The following KHDRBS2 variants were observed in gnomAD, a reference collection of about 807,000 sequenced individuals.
The protein encoded by KHDRBS2 is KH domain-containing, RNA-binding, signal transduction-associated protein 2.
A neutral mutation model predicts 44.3 loss-of-function variants in KHDRBS2; 26 were observed. The ratio of observed to expected loss-of-function variants is 0.59; its 90% CI spans 0.43 to 0.81. The LOEUF is 0.81. Among genes scored for constraint, KHDRBS2 ranks in the 40% least tolerant of loss-of-function variants. The pLI is 0.00. For synonymous variants in KHDRBS2, 194 were observed against 151.1 expected (o/e 1.28, Z -2.08); for missense variants, 476 against 433.1 (o/e 1.10, Z -0.88).
At chr6:62,186,820 T>C (rs1585114409) in intron 1 of KHDRBS2, among the ~76,000 whole-genome samples, 1 of 152,228 alleles carries the variant, frequency 6.6e-6, no homozygotes. Flanking sequence ...TTAAGAACTT[T>C]AATGGGTTTC....
chr6:61,896,010 T>G (rs1161237116), intron 5 of KHDRBS2, among the ~76,000 whole-genome samples: 1 of 152,236 alleles, frequency 6.6e-6, no homozygotes, highest in African/African-American at 2.4e-5. Context: ...GTGAGTCTAA[T>G]GTATAAAGAA....
chr6:61,558,772 A>C, the KHDRBS2 span, among the ~76,000 whole-genome samples: 1 of 152,184 alleles, frequency 6.6e-6, no homozygotes, highest in Admixed American at 6.5e-5. Flanking sequence ...TATTTTGGTC[A>C]GAGAAGTTAC....
chr6:62,112,224 G>C (rs1430696833), intron 2 of KHDRBS2, among the ~76,000 whole-genome samples: 1 of 152,052 alleles, frequency 6.6e-6, no homozygotes, highest in Non-Finnish European at 1.5e-5. Context: ...AACTAAGCCA[G>C]AGCTACTAAA....
At chr6:61,563,011 C>T in the KHDRBS2 span, among the ~76,000 whole-genome samples, 5 of 152,046 alleles carry the variant, frequency 3.3e-5, no homozygotes, top group African/African-American at 9.7e-5. Context: ...TGGCTTAATG[C>T]TTATTCAATA....
chr6:61,735,405 T>C (rs1285702550), intron 6 of KHDRBS2, among the ~76,000 whole-genome samples: 15 of 152,010 alleles, frequency 9.9e-5, no homozygotes, highest in Admixed American at 9.8e-4. Context: ...TCACAATAAA[T>C]TCACATTACT....
chr6:62,190,425 T>C (rs1824349330), intron 1 of KHDRBS2, among the ~76,000 whole-genome samples: 1 of 152,122 alleles, frequency 6.6e-6, no homozygotes, highest in South Asian at 2.1e-4. Flanking sequence ...TTTTTCTAAA[T>C]TCTTGAGACC....
intron 3 of KHDRBS2, among the ~76,000 whole-genome samples, chr6:61,979,991 T>C (rs1345064572): frequency 2.6e-5 from 4 of 152,178 alleles, no homozygotes; most frequent in East Asian, 1.9e-4. Context: ...TTTTCAACTC[T>C]ATTAAGCAAA....
intron 3 of KHDRBS2, among the ~76,000 whole-genome samples, chr6:62,028,050 A>G (rs1783692521): frequency 6.6e-6 from 1 of 152,030 alleles, no homozygotes; most frequent in Admixed American, 6.6e-5. Flanking sequence ...TGAGGGGGGC[A>G]CTTCTGTGGG....
At chr6:62,231,108 G>T (rs1158129692) in intron 1 of KHDRBS2, among the ~76,000 whole-genome samples, 3 of 152,124 alleles carry the variant, frequency 2.0e-5, no homozygotes, top group Non-Finnish European at 4.4e-5. Context: ...TATAATATTA[G>T]AAATGCCTTG....
rs188239568 is a variant in KHDRBS2, at chr6:62,115,188, T to C, written c.219+61997A>G. 3.3e-5 allele frequency among the ~76,000 whole-genome samples: 5 copies of C among 152,310 alleles called. 1 individual carries two copies. The East Asian group carries it at 9.6e-4, about 29-fold the overall frequency. On this transcript the variant is annotated intron_variant, in intron 2 of 8. Coordinates refer to ENST00000281156, the MANE Select transcript of KHDRBS2 (RefSeq NM_152688.4). ...TCTGATTTCTTTCAAAAGTCAGTTTTACCCCAAAAGAGAACTGGTTTGAGT... is the reference window on the plus strand; with the variant it reads ...TCTGATTTCTTTCAAAAGTCAGTTTCACCCCAAAAGAGAACTGGTTTGAGT...
At chr6:61,954,876 GTATATA>G (rs1554290747) in intron 4 of KHDRBS2, among the ~76,000 whole-genome samples, 12 of 28,240 alleles carry the variant, frequency 4.2e-4, no homozygotes, top group African/African-American at 1.1e-3. Context: ...ATACATATGT[GTATATA>G]TGTATATATA....
In KHDRBS2 at chr6:61,992,016, C is replaced by T. The variant is rs190927264; in HGVS notation, c.337-13804G>A. ...GACTGAGAAGTAAGCACCATTAGGACCTATAAAGTGGCTAACCACTTACTA... is the reference window on the plus strand; with the variant it reads ...GACTGAGAAGTAAGCACCATTAGGATCTATAAAGTGGCTAACCACTTACTA... On this transcript the variant is annotated intron_variant, in intron 3 of 8. Coordinates refer to ENST00000281156, the MANE Select transcript of KHDRBS2 (RefSeq NM_152688.4). Among the ~76,000 whole-genome samples, 400 of 152,246 alleles carry T rather than the reference C, an allele frequency of 2.6e-3. 1 individual carries two copies. The highest frequency in any genetic ancestry group is 0.011 in the South Asian group (52 of 4,828).
chr6:62,150,132 G>A (rs1453756713), intron 2 of KHDRBS2, among the ~76,000 whole-genome samples: 3 of 152,044 alleles, frequency 2.0e-5, no homozygotes, highest in East Asian at 1.9e-4. Flanking sequence ...TCCAGCCAAC[G>A]GGAATTACTA....
chr6:62,122,035 C>T (rs1807780912), intron 2 of KHDRBS2, among the ~76,000 whole-genome samples: 1 of 152,010 alleles, frequency 6.6e-6, no homozygotes, highest in Non-Finnish European at 1.5e-5. Context: ...GGGTGTGTTA[C>T]TCCAGCCCAT....
At chr6:62,007,601 A>C (rs1304676379) in intron 3 of KHDRBS2, among the ~76,000 whole-genome samples, 1 of 152,154 alleles carries the variant, frequency 6.6e-6, no homozygotes, top group Admixed American at 6.6e-5. Context: ...TGTATAATTA[A>C]TATTCTGAAG....
At chr6:61,928,340 T>A (rs1809360338) in intron 4 of KHDRBS2, among the ~76,000 whole-genome samples, 1 of 152,142 alleles carries the variant, frequency 6.6e-6, no homozygotes, top group African/African-American at 2.4e-5. Context: ...AGGAAATAAT[T>A]CCTTATTCCT....
the KHDRBS2 span, among the ~76,000 whole-genome samples, chr6:61,662,045 C>T: frequency 6.6e-6 from 1 of 152,050 alleles, no homozygotes; most frequent in Non-Finnish European, 1.5e-5. Flanking sequence ...GGTACCAAAA[C>T]AGAGATATAG....
At chr6:61,827,760 A>C (rs1583041548) in intron 6 of KHDRBS2, among the ~76,000 whole-genome samples, 1 of 152,128 alleles carries the variant, frequency 6.6e-6, no homozygotes, top group Non-Finnish European at 1.5e-5. Context: ...ATGTTCTCAC[A>C]TGGCTAACAG....
chr6:61,891,723 A>G (rs1263701418), intron 6 of KHDRBS2, among the ~76,000 whole-genome samples: 1 of 152,192 alleles, frequency 6.6e-6, no homozygotes, highest in Non-Finnish European at 1.5e-5. Context: ...AAAACTCTCA[A>G]TAAATTAGGT....
Sources: allele counts gnomAD v4.1 joint callset (sites outside exome capture counted in the v4.1 genomes callset), GRCh38; gene constraint gnomAD v4.1.1; transcripts MANE v1.5; gene names NCBI Gene and HGNC (gene_info 2026-07-23, HGNC 2026-07-21).